EVC2: variants seen among roughly 807,000 people sequenced by gnomAD.
EVC2 encodes EvC ciliary complex subunit 2.
EVC2 carries 148 observed loss-of-function variants against 149.3 expected under a neutral mutation model. That is an observed-to-expected ratio of 0.99 (90% CI 0.87 to 1.14). EVC2 has a LOEUF of 1.14. EVC2 is among the 50% of genes most tolerant of loss of function. The pLI is 0.00. For synonymous variants in EVC2, 776 were observed against 649.9 expected (o/e 1.19, Z -2.95); for missense variants, 1,854 against 1,627.3 (o/e 1.14, Z -2.40).
the EVC2 span, among the ~76,000 whole-genome samples, chr4:5,533,997 G>A: frequency 6.6e-6 from 1 of 152,180 alleles, no homozygotes; most frequent in African/African-American, 2.4e-5. Context: ...GGAGCCAAGA[G>A]GCATATCCTT....
At chr4:5,699,321 G>A (rs1415191398) in intron 1 of EVC2, among the ~76,000 whole-genome samples, 1 of 152,196 alleles carries the variant, frequency 6.6e-6, no homozygotes, top group East Asian at 1.9e-4. Context: ...CTTATGTTAT[G>A]TTATGGGCAG....
chr4:5,638,095 T>TAA (rs199861159), intron 10 of EVC2, among the ~76,000 whole-genome samples: 1 of 150,828 alleles, frequency 6.6e-6, no homozygotes, highest in Non-Finnish European at 1.5e-5. Context: ...CGTTTAAAGG[T>TAA]AAAAAAAAAT....
chr4:5,570,770 T>C (rs759549383), intron 19 of EVC2, among the ~76,000 whole-genome samples: 21 of 152,028 alleles, frequency 1.4e-4, no homozygotes, highest in Non-Finnish European at 2.9e-4. Context: ...AACAAGTGAA[T>C]AAAGAAAATG....
At position 5,640,804 on chromosome 4, in the gene EVC2, C is replaced by G. The variant is rs1350092724; in HGVS notation, c.1180G>C (p.Asp394His). 13 of 1,614,206 alleles carry G rather than the reference C, an allele frequency of 8.1e-6. No homozygotes were observed. Among genetic ancestry groups the G allele is most frequent in the Non-Finnish European group, 1.1e-5 (13 of 1,180,036 alleles). ...ATTTGTGTTCGACAAGCCTCCAGAT[C>G]TGCATCTGCCCGATTCAGGGTTGCA... is the stretch of plus-strand genomic sequence containing the variant. Reference protein sequence around the residue: ...EIATLNRADADLEACRTQISK... With the variant: ...EIATLNRADAHLEACRTQISK... The change falls in exon 10 of 22, where the codon GAT becomes CAT. Residue 394 changes from aspartate (D) to histidine (H), a missense_variant. Coordinates refer to ENST00000344408, the MANE Select transcript of EVC2 (RefSeq NM_147127.5). The surrounding 1 kb of genome is among the most constrained non-coding windows in gnomAD (Gnocchi z 4.6).
intron 18 of EVC2, among the ~76,000 whole-genome samples, chr4:5,575,442 C>T (rs1160664392): frequency 6.6e-6 from 1 of 152,232 alleles, no homozygotes; most frequent in Non-Finnish European, 1.5e-5. Context: ...GGCCCCCTCA[C>T]AATTATTTCG....
intron 9 of EVC2, among the ~76,000 whole-genome samples, chr4:5,644,375 G>C (rs1309991084): frequency 2.0e-5 from 3 of 151,866 alleles, no homozygotes; most frequent in Non-Finnish European, 4.4e-5. Flanking sequence ...TGTGATCTCG[G>C]CTCACTGCAA....
rs561286916 is a variant in EVC2, at chr4:5,675,411, G to A, written c.870+5849C>T. Among the ~76,000 whole-genome samples, 11 of 152,202 alleles carry A rather than the reference G, an allele frequency of 7.2e-5. No individual in the cohort carries two copies. The East Asian group carries it at 9.7e-4, about 13-fold the overall frequency. ...ATGCATGATACATCCTCCTCCTCCCGTTGGTTTAAAACATATTGATAGATG... is the reference window on the plus strand; with the variant it reads ...ATGCATGATACATCCTCCTCCTCCCATTGGTTTAAAACATATTGATAGATG... On this transcript the variant is annotated intron_variant, in intron 7 of 21. Coordinates refer to ENST00000344408, the MANE Select transcript of EVC2 (RefSeq NM_147127.5).
At chr4:5,647,949 G>C (rs1182224890) in intron 9 of EVC2, among the ~76,000 whole-genome samples, 2 of 152,210 alleles carry the variant, frequency 1.3e-5, no homozygotes, top group African/African-American at 4.8e-5. Context: ...GGGGTCCCAA[G>C]TCAGTGAATG....
intron 21 of EVC2, chr4:5,543,223 A>C: frequency 1.6e-6 from 2 of 1,289,562 alleles, no homozygotes; most frequent in Non-Finnish European, 2.0e-6. Context: ...CTGGAACAGG[A>C]TACAATCCTG....
chr4:5,601,095 A>G (rs900088017), intron 16 of EVC2, among the ~76,000 whole-genome samples: 1 of 152,138 alleles, frequency 6.6e-6, no homozygotes, highest in Non-Finnish European at 1.5e-5. Context: ...AGATCTAAAG[A>G]TACTCACACT....
At chr4:5,600,734 T>C (rs1256410505) in intron 16 of EVC2, among the ~76,000 whole-genome samples, 1 of 152,182 alleles carries the variant, frequency 6.6e-6, no homozygotes, top group Admixed American at 6.5e-5. Flanking sequence ...CAGACACATC[T>C]AGAAGTGGGA....
At chr4:5,575,004 T>C (rs922591800) in intron 18 of EVC2, among the ~76,000 whole-genome samples, 3 of 152,160 alleles carry the variant, frequency 2.0e-5, no homozygotes, top group Admixed American at 6.5e-5. Context: ...AGTGAAAAGT[T>C]TCATGGGAGC....
At chr4:5,623,132 T>C in intron 13 of EVC2, 141 bp from the exon 14 acceptor site, 1 of 884,956 alleles carries the variant, frequency 1.1e-6, no homozygotes, top group Non-Finnish European at 1.7e-6. Context: ...ATTCTGGTTT[T>C]TTGTTTGCTT....
At chr4:5,585,536 A>G (rs1401000881) in intron 16 of EVC2, among the ~76,000 whole-genome samples, 1 of 152,216 alleles carries the variant, frequency 6.6e-6, no homozygotes, top group African/African-American at 2.4e-5. Flanking sequence ...CTTCATCTAT[A>G]AAGTGGAGAA....
chr4:5,654,253 G>C (rs11724640), intron 9 of EVC2, among the ~76,000 whole-genome samples: 52,057 of 152,040 alleles, frequency 0.34, 9,614 homozygotes, highest in East Asian at 0.42. Context: ...ATATCCTATA[G>C]GGAGAAGAGG....
chr4:5,597,138 G>A (rs548329200), intron 16 of EVC2, among the ~76,000 whole-genome samples: 8 of 152,232 alleles, frequency 5.3e-5, no homozygotes, highest in Admixed American at 4.6e-4. Context: ...ACCAGAGGTA[G>A]AAGGAGGAAC....
At chr4:5,553,636 TA>T in intron 21 of EVC2, among the ~76,000 whole-genome samples, 1 of 152,160 alleles carries the variant, frequency 6.6e-6, no homozygotes, top group East Asian at 1.9e-4. Flanking sequence ...TTTCAAAAAT[TA>T]GATTATAGTT....
chr4:5,536,023 A>C, the EVC2 span, among the ~76,000 whole-genome samples: 1 of 151,598 alleles, frequency 6.6e-6, no homozygotes, highest in Non-Finnish European at 1.5e-5. Context: ...GCCCATCTCT[A>C]CCTACAGGCC....
chr4:5,530,402 G>T, the EVC2 span, among the ~76,000 whole-genome samples: 2 of 152,060 alleles, frequency 1.3e-5, no homozygotes, highest in Admixed American at 1.3e-4. Context: ...TATCTCTCTA[G>T]GATAGTTGTT....
Sources: gnomAD v4.1 joint callset for allele counts (sites outside exome capture counted in the v4.1 genomes callset) on GRCh38, gnomAD v4.1.1 for gene constraint, Gnocchi (gnomAD v3.1) non-coding constraint, MANE v1.5 for transcripts, NCBI Gene and HGNC (gene_info 2026-07-23, HGNC 2026-07-21) for gene names.